EDA: variants seen among roughly 807,000 people sequenced by gnomAD.
EDA encodes ectodysplasin A.
Under a neutral mutation model 23.6 loss-of-function variants are expected in EDA, and 2 were observed. The observed-to-expected ratio is 0.08, with a 90% confidence interval of 0.03 to 0.27. EDA has a LOEUF of 0.27. Ranked by LOEUF, EDA falls within the 10% of genes least tolerant of loss-of-function variation. EDA has a pLI of 1.00. For synonymous variants in EDA, 131 were observed against 132.0 expected (o/e 0.99, Z 0.05); for missense variants, 229 against 324.2 (o/e 0.71, Z 2.26).
At chrX:69,716,872 A>G (rs1225004407) in intron 1 of EDA, among the ~76,000 whole-genome samples, 2 of 110,542 alleles carry the variant, frequency 1.8e-5, no homozygotes, top group African/African-American at 6.6e-5. Flanking sequence ...CTGCTTGGCT[A>G]TTGTTGATGT....
At chrX:69,812,397 C>G (rs1419862859) in intron 1 of EDA, among the ~76,000 whole-genome samples, 1 of 112,772 alleles carries the variant, frequency 8.9e-6, no homozygotes, top group Non-Finnish European at 1.9e-5. Context: ...GCTGAGACCT[C>G]TGGTCTGCAT....
chrX:69,759,360 C>A (rs550516007), intron 1 of EDA, among the ~76,000 whole-genome samples: 6 of 111,852 alleles, frequency 5.4e-5, no homozygotes, highest in African/African-American at 1.9e-4. Context: ...TAGAATAAAG[C>A]AAGATAAAGC....
intron 1 of EDA, among the ~76,000 whole-genome samples, chrX:69,908,694 C>T (rs1251886809): frequency 9.2e-6 from 1 of 108,702 alleles, no homozygotes; most frequent in Non-Finnish European, 1.9e-5. Context: ...TTTAGTGGGA[C>T]ATGGTAGTGG....
intron 1 of EDA, among the ~76,000 whole-genome samples, chrX:69,868,580 C>T (rs2017519866): frequency 1.8e-5 from 2 of 112,055 alleles, no homozygotes; most frequent in Admixed American, 1.9e-4. Flanking sequence ...CTCACTGGTT[C>T]GAATCAGCAA....
chrX:69,981,761 C>T (rs781526352), intron 2 of EDA, among the ~76,000 whole-genome samples: 14 of 112,195 alleles, frequency 1.2e-4, no homozygotes, highest in African/African-American at 2.9e-4. Flanking sequence ...TTATTATTCT[C>T]ATTTTATAGA....
At chrX:69,820,916 A>G (rs915593362) in intron 1 of EDA, among the ~76,000 whole-genome samples, 3 of 111,635 alleles carry the variant, frequency 2.7e-5, no homozygotes, top group African/African-American at 6.5e-5. Context: ...AAATCATTCT[A>G]TTATAAAGAT....
At chrX:69,659,608 A>C (rs1933422693) in intron 1 of EDA, among the ~76,000 whole-genome samples, 1 of 112,354 alleles carries the variant, frequency 8.9e-6, no homozygotes, top group African/African-American at 3.2e-5. Flanking sequence ...AAATGACACC[A>C]ATGCATTAGA....
chrX:69,634,265 G>C (rs183900422), intron 1 of EDA, among the ~76,000 whole-genome samples: 2 of 111,335 alleles, frequency 1.8e-5, no homozygotes, highest in African/African-American at 6.5e-5. Context: ...ACCCTTATTA[G>C]AGATAAAATT....
At chrX:69,951,545 A>G (rs1223548130) in intron 1 of EDA, among the ~76,000 whole-genome samples, 1 of 111,865 alleles carries the variant, frequency 8.9e-6, no homozygotes, top group African/African-American at 3.3e-5. Context: ...TGGATGTGTG[A>G]TCCCTTCCCT....
chrX:69,719,715 TACACACACACACAC>T (rs35200750), intron 1 of EDA, among the ~76,000 whole-genome samples: 5 of 102,671 alleles, frequency 4.9e-5, no homozygotes, highest in African/African-American at 7.1e-5. Context: ...TATTCCGTTA[TACACACACACACAC>T]ACACACACAC....
At chrX:69,862,212 C>T (rs1331608491) in intron 1 of EDA, among the ~76,000 whole-genome samples, 1 of 111,141 alleles carries the variant, frequency 9.0e-6, no homozygotes, top group Admixed American at 9.6e-5. Flanking sequence ...TGGGCCTCTC[C>T]ACAGGTTGCT....
chrX:69,856,873 A>G (rs1424420799), intron 1 of EDA, among the ~76,000 whole-genome samples: 1 of 111,706 alleles, frequency 9.0e-6, no homozygotes, highest in Non-Finnish European at 1.9e-5. Context: ...CTTTAGTTTA[A>G]TTAAGTCCCA....
At chrX:69,713,786 T>C (rs1038109106) in intron 1 of EDA, among the ~76,000 whole-genome samples, 8 of 111,911 alleles carry the variant, frequency 7.1e-5, no homozygotes, top group Non-Finnish European at 1.5e-4. Flanking sequence ...ACATCAAGGC[T>C]TATTCCAGTT....
intron 1 of EDA, among the ~76,000 whole-genome samples, chrX:69,913,112 A>G (rs2018292163): frequency 8.9e-6 from 1 of 112,150 alleles, no homozygotes; most frequent in Admixed American, 9.5e-5. Context: ...TTGGAAAGGT[A>G]AATTAGAATT....
chrX:69,929,097 C>T (rs891459126), intron 1 of EDA, among the ~76,000 whole-genome samples: 2 of 111,571 alleles, frequency 1.8e-5, no homozygotes, highest in African/African-American at 6.5e-5. Context: ...CATGATATGG[C>T]AGCACTTTCC....
intron 1 of EDA, among the ~76,000 whole-genome samples, chrX:69,751,164 C>A (rs1371165934): frequency 2.9e-5 from 3 of 103,543 alleles, no homozygotes; most frequent in Non-Finnish European, 4.0e-5. Flanking sequence ...TTAGGTCTAA[C>A]ATTTAAGTCT....
At chrX:69,933,280 G>A (rs2018625220) in intron 1 of EDA, among the ~76,000 whole-genome samples, 1 of 111,965 alleles carries the variant, frequency 8.9e-6, no homozygotes. Flanking sequence ...GTCAAGTGTT[G>A]ATAGTATTAC....
At chrX:69,804,022 T>C (rs2804353) in intron 1 of EDA, among the ~76,000 whole-genome samples, 32,497 of 109,924 alleles carry the variant, frequency 0.3, 4,713 homozygotes, top group Middle Eastern at 0.54. Flanking sequence ...AGTATTCCAT[T>C]GTGCATATTA....
intron 1 of EDA, among the ~76,000 whole-genome samples, chrX:69,873,763 G>C (rs1225435153): frequency 8.9e-6 from 1 of 111,791 alleles, no homozygotes; most frequent in East Asian, 2.8e-4. Flanking sequence ...AAGAAGAATT[G>C]GTACTAATCC....
Sources: gnomAD v4.1 joint callset for allele counts (sites outside exome capture counted in the v4.1 genomes callset) on GRCh38, gnomAD v4.1.1 for gene constraint, MANE v1.5 for transcripts, NCBI Gene and HGNC (gene_info 2026-07-23, HGNC 2026-07-21) for gene names.